The following ATP10B variants were observed in gnomAD, a reference collection of about 807,000 sequenced individuals.
ATP10B encodes phospholipid-transporting ATPase VB.
In ATP10B, 122 loss-of-function variants were observed where a neutral mutation model predicts 141.2. The observed-to-expected ratio is 0.86, with a 90% CI of 0.75 to 1.00. The LOEUF is 1.00. Ranked by LOEUF, ATP10B falls within the 50% of genes least tolerant of loss-of-function variation. ATP10B has a pLI of 0.00. For synonymous variants in ATP10B, 685 were observed against 692.0 expected (o/e 0.99, Z 0.16); for missense variants, 1,876 against 1,825.3 (o/e 1.03, Z -0.51).
chr5:160,596,160 C>A (rs112437272), intron 22 of ATP10B, among the ~76,000 whole-genome samples: 110,503 of 151,926 alleles, frequency 0.73, 40,928 homozygotes, highest in East Asian at 0.84. Flanking sequence ...ACTGGCAAAC[C>A]AAACCCAGCA....
At chr5:160,766,658 T>C (rs1181963691) in intron 2 of ATP10B, among the ~76,000 whole-genome samples, 3 of 152,198 alleles carry the variant, frequency 2.0e-5, no homozygotes, top group East Asian at 3.9e-4. Flanking sequence ...GCTCGGGTGA[T>C]GGGTGCACCA....
intron 1 of ATP10B, among the ~76,000 whole-genome samples, chr5:160,794,941 G>T (rs1771835492): frequency 6.6e-6 from 1 of 152,088 alleles, no homozygotes; most frequent in Non-Finnish European, 1.5e-5. Context: ...TTCCACAAAT[G>T]CAAGAAATGC....
intron 2 of ATP10B, among the ~76,000 whole-genome samples, chr5:160,754,865 A>T (rs747541712): frequency 2.0e-5 from 3 of 152,178 alleles, no homozygotes; most frequent in Non-Finnish European, 4.4e-5. Flanking sequence ...AAGATCACCA[A>T]TGTGTCACCT....
At chr5:160,871,840 T>C in the ATP10B span, among the ~76,000 whole-genome samples, 1 of 152,092 alleles carries the variant, frequency 6.6e-6, no homozygotes, top group Admixed American at 6.5e-5. Flanking sequence ...GTGTGCGTTT[T>C]TTTATATAAT....
At chr5:160,700,977 T>A (rs1195545161) in intron 3 of ATP10B, among the ~76,000 whole-genome samples, 1 of 152,136 alleles carries the variant, frequency 6.6e-6, no homozygotes, top group Non-Finnish European at 1.5e-5. Flanking sequence ...CAATCAATTA[T>A]CAAGTCCTGT....
chr5:160,779,066 G>C (rs1285419534), intron 2 of ATP10B, among the ~76,000 whole-genome samples: 1 of 152,168 alleles, frequency 6.6e-6, no homozygotes, highest in Non-Finnish European at 1.5e-5. Context: ...TGCAGAAGCT[G>C]GTTATGTGTT....
chr5:160,856,782 GCATT>G (rs1465108167), upstream of ATP10B, among the ~76,000 whole-genome samples: 2 of 151,690 alleles, frequency 1.3e-5, no homozygotes, highest in Admixed American at 1.3e-4. Context: ...GTTTTTTCCT[GCATT>G]AATTCCATTT....
At chr5:160,708,668 G>A (rs1277114944) in intron 3 of ATP10B, among the ~76,000 whole-genome samples, 1 of 152,156 alleles carries the variant, frequency 6.6e-6, no homozygotes, top group East Asian at 1.9e-4. Flanking sequence ...TTTGGAATCT[G>A]TAATATCACA....
chr5:160,791,772 A>G (rs1771588908), intron 1 of ATP10B, among the ~76,000 whole-genome samples: 1 of 152,208 alleles, frequency 6.6e-6, no homozygotes, highest in Admixed American at 6.5e-5. Context: ...ATGGCTCTAT[A>G]GAAGGCTAAG....
At chr5:160,589,804 A>C in intron 23 of ATP10B, 108 bp from the exon 24 acceptor site, 1 of 787,086 alleles carries the variant, frequency 1.3e-6, no homozygotes, top group South Asian at 1.5e-5. Flanking sequence ...ATGGAGAAGG[A>C]GGTACCCAGC....
upstream of ATP10B, among the ~76,000 whole-genome samples, chr5:160,853,604 T>C (rs953337337): frequency 1.3e-5 from 2 of 152,182 alleles, no homozygotes; most frequent in Non-Finnish European, 1.5e-5. Flanking sequence ...TAGGAACAAA[T>C]GTGTCTGTAG....
intron 8 of ATP10B, among the ~76,000 whole-genome samples, chr5:160,648,238 A>G (rs1210462757): frequency 2.6e-5 from 4 of 152,234 alleles, no homozygotes; most frequent in Non-Finnish European, 5.9e-5. Flanking sequence ...AAGCTTGTCC[A>G]ACCCATGGCC....
intron 2 of ATP10B, 63 bp downstream of exon 2, chr5:160,785,496 T>TAC: frequency 2.2e-6 from 1 of 446,186 alleles, no homozygotes; most frequent in Non-Finnish European, 4.4e-6. Flanking sequence ...TTCATGGGTA[T>TAC]ACTGAGTGAT....
At chr5:160,690,490 G>T (rs968408267) in intron 3 of ATP10B, among the ~76,000 whole-genome samples, 1 of 152,018 alleles carries the variant, frequency 6.6e-6, no homozygotes, top group East Asian at 1.9e-4. Flanking sequence ...AATCTACAAA[G>T]AATTTAAACA....
At chr5:160,924,577 C>T in the ATP10B span, among the ~76,000 whole-genome samples, 5,855 of 152,232 alleles carry the variant, frequency 0.038, 234 homozygotes, top group East Asian at 0.2. Context: ...GTGCAGTGAT[C>T]GTGTGCTGGG....
intron 2 of ATP10B, among the ~76,000 whole-genome samples, 194 bp from the exon 3 acceptor site, chr5:160,717,228 A>G (rs957598531): frequency 1.8e-4 from 28 of 152,316 alleles, no homozygotes; most frequent in East Asian, 5.8e-4. Context: ...ATGCTTGGAG[A>G]AGGAGAGGAA....
At chr5:160,716,228 A>G (rs1203536303) in intron 3 of ATP10B, among the ~76,000 whole-genome samples, 2 of 152,210 alleles carry the variant, frequency 1.3e-5, no homozygotes, top group Admixed American at 1.3e-4. Context: ...AGAATATCTA[A>G]TGGCAGTTAA....
At chr5:160,792,275 A>G (rs1439161244) in intron 1 of ATP10B, among the ~76,000 whole-genome samples, 1 of 152,178 alleles carries the variant, frequency 6.6e-6, no homozygotes, top group Non-Finnish European at 1.5e-5. Flanking sequence ...CAAACACAGC[A>G]TGAACTCAAT....
chr5:160,688,977 G>A (rs1383248155), intron 3 of ATP10B, 34 bp from the exon 4 acceptor site: 1 of 979,652 alleles, frequency 1.0e-6, no homozygotes, highest in Non-Finnish European at 1.2e-6. Context: ...CAGATGGTCT[G>A]CCCAGGTGGC....
Sources: allele counts gnomAD v4.1 joint callset (sites outside exome capture counted in the v4.1 genomes callset), GRCh38; gene constraint gnomAD v4.1.1; transcripts MANE v1.5; gene names NCBI Gene and HGNC (gene_info 2026-07-23, HGNC 2026-07-21).